The following PLAAT3 variants were observed in gnomAD, a reference collection of about 807,000 sequenced individuals.
PLAAT3 encodes the protein Ca-independent phospholipase A1/2.
Under a neutral mutation model 16.7 loss-of-function variants are expected in PLAAT3, and 21 were observed. The ratio of observed to expected loss-of-function variants is 1.26; its 90% CI spans 0.89 to 1.81. PLAAT3 has a LOEUF of 1.81. Among genes scored for constraint, PLAAT3 ranks in the 40% most tolerant of loss-of-function variants. The pLI, the probability that PLAAT3 is intolerant of heterozygous loss-of-function variation, is 0.00. For missense variants in PLAAT3, 219 were observed against 213.7 expected, an observed-to-expected ratio of 1.02 and a Z score of -0.16; for synonymous variants, 76 against 81.7, an observed-to-expected ratio of 0.93 and a Z score of 0.38.
At chr11:63,580,867 A>C (rs573026458) in intron 4 of PLAAT3, among the ~76,000 whole-genome samples, 1 of 152,338 alleles carries the variant, frequency 6.6e-6, no homozygotes, top group South Asian at 2.1e-4. Flanking sequence ...GGGGACCCCA[A>C]ACGGAGGACC....
intron 2 of PLAAT3, among the ~76,000 whole-genome samples, chr11:63,613,647 C>G (rs1938749931): frequency 6.8e-6 from 1 of 147,072 alleles, no homozygotes; most frequent in African/African-American, 2.5e-5. Flanking sequence ...GATGAGTCAG[C>G]TGACATAGCC....
chr11:63,591,599 G>A (rs928458869), intron 3 of PLAAT3, among the ~76,000 whole-genome samples: 7 of 152,116 alleles, frequency 4.6e-5, no homozygotes, highest in African/African-American at 7.2e-5. Context: ...AGGAGAGGCC[G>A]ATTAGATTTC....
rs1463083675 is a variant in PLAAT3 at position 63,574,747 on chromosome 11, C to T, written c.*198G>A. On this transcript the variant is annotated 3_prime_UTR_variant, in exon 5 of 5. Transcript: ENST00000415826. The stretch of plus-strand genomic sequence containing the variant: ...GACCAGGAAGACAGCCCGGCTGTTC[C>T]CTGAACAGACTTCACACCAGGCAGT... 9 of 579,570 alleles carry T rather than the reference C, an allele frequency of 1.6e-5. No homozygotes were observed. Among genetic ancestry groups the T allele is most frequent in the Non-Finnish European group, 2.8e-5 (9 of 324,128 alleles). 35.9% of individuals were successfully genotyped at this position (579,570 alleles called of 1,614,324 possible).
rs143452291 is a variant in PLAAT3 at position 63,590,200 on chromosome 11, G to A, written c.287C>T (p.Ala96Val). 5.3e-5 allele frequency: 85 copies of A among 1,614,020 alleles called. No individual in the cohort carries two copies. The highest frequency in any genetic ancestry group is 2.1e-4 in the South Asian group (19 of 91,084). The change falls in exon 4 of 5, where the codon GCG (alanine) becomes GTG (valine). Residue 96 changes from alanine (A) to valine (V), a missense_variant. Ala to Val is a moderately conservative substitution (Grantham distance 64). Transcript: ENST00000415826. The stretch of plus-strand genomic sequence containing the variant: ...CACCTCCTGCCCCACCAGCTCCTCC[G>A]CCCGCTGGATGATTTTGCTGCAGGG... ...PLPCSKIIQR[A>V]EELVGQEVLY...
chr11:63,593,140 G>A (rs955720483), intron 3 of PLAAT3, among the ~76,000 whole-genome samples: 6 of 152,194 alleles, frequency 3.9e-5, no homozygotes, highest in Admixed American at 3.9e-4. Flanking sequence ...AGTCAGTGAC[G>A]TGATCTGGAC....
At chr11:63,615,174 A>ATATATGTGTGTATATGTGTG, upstream of PLAAT3, among the ~76,000 whole-genome samples, 1 of 126,180 alleles carries the variant, frequency 7.9e-6, no homozygotes, top group East Asian at 2.0e-4. Context: ...ATATGTGTGT[A>ATATATGTGTGTATATGTGTG]TATGTGTGTA....
At chr11:63,612,724 T>C (rs1938723375) in intron 2 of PLAAT3, among the ~76,000 whole-genome samples, 1 of 152,246 alleles carries the variant, frequency 6.6e-6, no homozygotes, top group East Asian at 1.9e-4. Context: ...AATACATTAA[T>C]GTGATTAAAA....
chr11:63,576,491 C>T (rs1055305917), intron 4 of PLAAT3, among the ~76,000 whole-genome samples: 1 of 152,084 alleles, frequency 6.6e-6, no homozygotes, highest in Admixed American at 6.5e-5. Context: ...CCTGGTGACA[C>T]GTGCCTATAG....
intron 3 of PLAAT3, among the ~76,000 whole-genome samples, chr11:63,590,985 T>C (rs1938138387): frequency 6.6e-6 from 1 of 152,190 alleles, no homozygotes; most frequent in Non-Finnish European, 1.5e-5. Context: ...AAGACCAGGA[T>C]GGTGGACAGG....
At chr11:63,599,883 C>T (rs181158485) in intron 2 of PLAAT3, among the ~76,000 whole-genome samples, 33 of 152,248 alleles carry the variant, frequency 2.2e-4, no homozygotes, top group African/African-American at 7.9e-4. Context: ...ATCAGTAAGA[C>T]CATGTTGAGT....
At chr11:63,585,490 CCAGGGA>C (rs1937948239) in intron 4 of PLAAT3, among the ~76,000 whole-genome samples, 1 of 151,908 alleles carries the variant, frequency 6.6e-6, no homozygotes, top group Non-Finnish European at 1.5e-5. Context: ...TGTGTAGAGG[CCAGGGA>C]TGCTGCTAAG....
At chr11:63,613,792 A>G (rs572797278) in intron 2 of PLAAT3, among the ~76,000 whole-genome samples, 23 of 152,258 alleles carry the variant, frequency 1.5e-4, no homozygotes, top group African/African-American at 4.6e-4. Context: ...GCGCCCCCAC[A>G]CCGGCCCCCG....
intron 4 of PLAAT3, among the ~76,000 whole-genome samples, chr11:63,582,464 T>C (rs1426389644): frequency 6.6e-6 from 1 of 152,218 alleles, no homozygotes; most frequent in Non-Finnish European, 1.5e-5. Flanking sequence ...TGGAGAACTG[T>C]ACTGAGAGCT....
intron 2 of PLAAT3, among the ~76,000 whole-genome samples, chr11:63,610,482 G>A (rs1205125740): frequency 6.6e-6 from 1 of 152,224 alleles, no homozygotes; most frequent in Non-Finnish European, 1.5e-5. Flanking sequence ...GTTCTCAGCA[G>A]AGGTGTATGG....
Position 63,574,764 on chromosome 11 carries a change from C to G in PLAAT3, c.*181G>C, listed in dbSNP as rs1398916630. ...GGCTGTTCCCTGAACAGACTTCACA[C>G]CAGGCAGTTCTTGCTGCACTTCCCC... On this transcript the variant is annotated 3_prime_UTR_variant, in exon 5 of 5. Coordinates refer to ENST00000415826, the MANE Select transcript of PLAAT3 (RefSeq NM_001128203.2). The G allele has an allele frequency of 1.2e-5, 7 of 593,168 alleles. No individual in the cohort carries two copies. The highest frequency in any genetic ancestry group is 2.1e-5 in the Non-Finnish European group (7 of 330,904). 36.7% of individuals were successfully genotyped at this position (593,168 alleles called of 1,614,324 possible).
intron 4 of PLAAT3, among the ~76,000 whole-genome samples, chr11:63,576,126 T>C (rs1053877378): frequency 6.6e-6 from 1 of 152,184 alleles, no homozygotes. Context: ...AAGACTTTTC[T>C]GGGGAATCTG....
chr11:63,604,488 C>T (rs1040425192), intron 2 of PLAAT3, among the ~76,000 whole-genome samples: 2 of 152,008 alleles, frequency 1.3e-5, no homozygotes, highest in Non-Finnish European at 2.9e-5. Flanking sequence ...CTAGGCCGGG[C>T]GCGGGGGCTC....
chr11:63,578,006 G>A (rs149145661), intron 4 of PLAAT3, among the ~76,000 whole-genome samples: 2 of 152,232 alleles, frequency 1.3e-5, no homozygotes, highest in African/African-American at 4.8e-5. Flanking sequence ...AATCCGGCTG[G>A]GTGCAGTGGC....
chr11:63,604,709 G>C (rs1938514160), intron 2 of PLAAT3, among the ~76,000 whole-genome samples: 1 of 151,934 alleles, frequency 6.6e-6, no homozygotes, highest in Admixed American at 6.6e-5. Flanking sequence ...CTTGCAGTGA[G>C]CCCAGATGAT....
Sources: allele counts gnomAD v4.1 joint callset (sites outside exome capture counted in the v4.1 genomes callset), GRCh38; gene constraint gnomAD v4.1.1; transcripts MANE v1.5; gene names NCBI Gene and HGNC (gene_info 2026-07-23, HGNC 2026-07-21).